The following CDH8 variants were observed in gnomAD, a reference collection of about 807,000 sequenced individuals.
CDH8 encodes the protein cadherin 8, also known as cadherin-8.
In CDH8, 17 loss-of-function variants were observed where a neutral mutation model predicts 68.1. The ratio of observed to expected loss-of-function variants is 0.25; its 90% CI spans 0.17 to 0.37. The LOEUF is 0.37. CDH8 is among the 10% of genes least tolerant of loss of function. The pLI is 1.00. For missense variants in CDH8, 763 were observed against 999.3 expected (o/e 0.76, Z 3.19); for synonymous variants, 372 against 365.1 (o/e 1.02, Z -0.21).
intron 2 of CDH8, among the ~76,000 whole-genome samples, chr16:61,920,348 T>C (rs1964339755): frequency 7.0e-6 from 1 of 143,538 alleles, no homozygotes; most frequent in Non-Finnish European, 1.5e-5. Context: ...TTTCGCAACC[T>C]ACTCATCTGA....
chr16:62,032,493 T>A (rs939251058), intron 1 of CDH8, among the ~76,000 whole-genome samples: 3 of 152,184 alleles, frequency 2.0e-5, no homozygotes, highest in Non-Finnish European at 4.4e-5. Flanking sequence ...CCTCTGTGAA[T>A]GCCAATAGCG....
Position 61,774,101 on chromosome 16 carries a change from T to A in CDH8, c.1414+15245A>T, listed in dbSNP as rs147802338. Among the ~76,000 whole-genome samples, 349 of 152,172 alleles carry A rather than the reference T, an allele frequency of 2.3e-3. 1 individual carries two copies. The highest frequency in any genetic ancestry group is 8.1e-3 in the African/African-American group (336 of 41,534). On this transcript the variant is annotated intron_variant, in intron 8 of 11. Coordinates refer to ENST00000577390, the MANE Select transcript of CDH8 (RefSeq NM_001796.5). ...AATCAGAAAACATGCTGCATTTTCA[T>A]TCTTTTGGCTTTGCTGCTTTGTAAC...
chr16:61,986,078 C>G (rs796406266), intron 2 of CDH8, among the ~76,000 whole-genome samples: 3 of 151,844 alleles, frequency 2.0e-5, no homozygotes, highest in African/African-American at 7.2e-5. Context: ...TGCCTGCCCC[C>G]ACACCTGGCT....
At chr16:61,803,550 G>C (rs1961713384) in intron 7 of CDH8, among the ~76,000 whole-genome samples, 1 of 152,056 alleles carries the variant, frequency 6.6e-6, no homozygotes, top group East Asian at 1.9e-4. Flanking sequence ...AGACCCATCA[G>C]TGTGCTGTAT....
intron 2 of CDH8, among the ~76,000 whole-genome samples, chr16:61,951,839 A>G (rs1401017901): frequency 1.3e-5 from 2 of 152,178 alleles, no homozygotes; most frequent in African/African-American, 4.8e-5. Flanking sequence ...ACAATAAAAT[A>G]CTGCAGGTAT....
chr16:61,857,064 G>C (rs1963060481), intron 4 of CDH8, 55 bp downstream of exon 4: 4 of 1,602,080 alleles, frequency 2.5e-6, no homozygotes, highest in Non-Finnish European at 3.4e-6. Context: ...CCCAAGAAAA[G>C]CATTTCCCTG....
chr16:61,739,884 CATATATAT>C (rs35095367), intron 8 of CDH8, among the ~76,000 whole-genome samples: 4 of 101,476 alleles, frequency 3.9e-5, no homozygotes, highest in South Asian at 7.5e-4. Flanking sequence ...CAACATATTC[CATATATAT>C]ATATATATAT....
intron 7 of CDH8, among the ~76,000 whole-genome samples, chr16:61,816,391 C>T (rs1245076978): frequency 6.6e-6 from 1 of 152,118 alleles, no homozygotes; most frequent in African/African-American, 2.4e-5. Flanking sequence ...AATAAACCGA[C>T]AGATAACTCA....
chr16:61,967,698 T>C (rs1965275610), intron 2 of CDH8, among the ~76,000 whole-genome samples: 1 of 152,356 alleles, frequency 6.6e-6, no homozygotes, highest in South Asian at 2.1e-4. Context: ...TGGCATTATG[T>C]CCTCTCTCAA....
chr16:61,754,341 A>G (rs759776988), intron 8 of CDH8, among the ~76,000 whole-genome samples: 18 of 152,290 alleles, frequency 1.2e-4, no homozygotes, highest in Admixed American at 3.9e-4. Flanking sequence ...AGAAATAATG[A>G]TTCATGTGTT....
chr16:61,701,413 A>G (rs1964426174), intron 10 of CDH8, among the ~76,000 whole-genome samples: 1 of 152,230 alleles, frequency 6.6e-6, no homozygotes, highest in African/African-American at 2.4e-5. Flanking sequence ...AGAAAACAGT[A>G]AATATTTCTA....
intron 8 of CDH8, among the ~76,000 whole-genome samples, chr16:61,766,282 T>G (rs1303325921): frequency 6.6e-6 from 1 of 151,994 alleles, no homozygotes. Context: ...CTTAGAATAA[T>G]GGCCCCCAGT....
At chr16:61,800,852 C>T (rs1006813553) in intron 7 of CDH8, among the ~76,000 whole-genome samples, 2 of 152,248 alleles carry the variant, frequency 1.3e-5, no homozygotes, top group South Asian at 2.1e-4. Flanking sequence ...TATAATACAT[C>T]ATGTCAAACC....
intron 1 of CDH8, 42 bp downstream of exon 1, chr16:62,036,038 G>C (rs1902449664): frequency 6.6e-6 from 1 of 152,256 alleles, no homozygotes; most frequent in Non-Finnish European, 1.5e-5. Flanking sequence ...CTGGATAGTC[G>C]GAACATAGAG....
intron 7 of CDH8, among the ~76,000 whole-genome samples, chr16:61,791,190 T>C (rs1596971150): frequency 6.6e-6 from 1 of 152,066 alleles, no homozygotes; most frequent in African/African-American, 2.4e-5. Flanking sequence ...CATTTACAAA[T>C]CACTCCCATC....
intron 2 of CDH8, among the ~76,000 whole-genome samples, chr16:61,963,113 A>G (rs144984738): frequency 0.012 from 1,821 of 152,272 alleles, 22 homozygotes; most frequent in South Asian, 0.032. Context: ...TCTGAATATC[A>G]GGGCCATATT....
chr16:61,914,037 G>T (rs943954814), intron 2 of CDH8, among the ~76,000 whole-genome samples: 1 of 152,034 alleles, frequency 6.6e-6, no homozygotes, highest in African/African-American at 2.4e-5. Flanking sequence ...AATCTGACTG[G>T]TGTCTTTATA....
intron 2 of CDH8, among the ~76,000 whole-genome samples, chr16:61,949,924 G>T (rs967897119): frequency 2.6e-5 from 4 of 151,628 alleles, no homozygotes; most frequent in African/African-American, 9.7e-5. Flanking sequence ...GGTGGTTGAG[G>T]CTGCAATGAG....
intron 2 of CDH8, among the ~76,000 whole-genome samples, chr16:62,000,371 C>T (rs1725001259): frequency 6.6e-6 from 1 of 152,128 alleles, no homozygotes; most frequent in Non-Finnish European, 1.5e-5. Context: ...CTTGAGGATT[C>T]TCCACACTGT....
Sources: gnomAD v4.1 joint callset for allele counts (sites outside exome capture counted in the v4.1 genomes callset) on GRCh38, gnomAD v4.1.1 for gene constraint, MANE v1.5 for transcripts, NCBI Gene and HGNC (gene_info 2026-07-23, HGNC 2026-07-21) for gene names.